Variants in DDX27 observed in about 807,000 individuals in gnomAD.
DDX27 encodes the protein DEAD-box helicase 27, also known as probable ATP-dependent RNA helicase DDX27.
In DDX27, 42 loss-of-function variants were observed where a neutral mutation model predicts 99.3. That is an observed-to-expected ratio of 0.42 (90% CI 0.33 to 0.55). The LOEUF (loss-of-function observed/expected upper bound fraction) is 0.55, where lower values mean the gene tolerates loss of function less well. Ranked by LOEUF, DDX27 falls within the 20% of genes least tolerant of loss-of-function variation. The pLI, the probability that DDX27 is intolerant of heterozygous loss-of-function variation, is 0.07. For missense variants in DDX27, 798 were observed against 976.8 expected, an observed-to-expected ratio of 0.82 and a Z score of 2.44; for synonymous variants, 329 against 353.8, an observed-to-expected ratio of 0.93 and a Z score of 0.79.
At chr20:49,233,832 C>G in intron 11 of DDX27, 123 bp downstream of exon 11, 1 of 1,060,986 alleles carries the variant, frequency 9.4e-7, no homozygotes, top group Non-Finnish European at 1.4e-6. Flanking sequence ...AGCGCAGAGG[C>G]TGCACTGCAC....
intron 2 of DDX27, 130 bp from the exon 3 acceptor site, chr20:49,222,827 A>C: frequency 2.0e-6 from 1 of 510,950 alleles, no homozygotes. Flanking sequence ...ATTTTTATAT[A>C]TATAATATGT....
intron 1 of DDX27, 53 bp downstream of exon 1, chr20:49,219,594 G>T: frequency 2.6e-6 from 4 of 1,530,586 alleles, no homozygotes; most frequent in Non-Finnish European, 3.5e-6. Context: ...CCTTCCTCGC[G>T]ATTCCTCAGG....
chr20:49,236,100 A>G lies in DDX27; in HGVS notation c.1428-50A>G, dbSNP rs768811623. 2 of 1,536,780 alleles carry G rather than the reference A, an allele frequency of 1.3e-6. No homozygotes were observed. The highest frequency in any genetic ancestry group is 2.7e-5 in the African/African-American group (2 of 72,852). On this transcript the variant is annotated intron_variant, in intron 12 of 20. Coordinates refer to ENST00000618172, the MANE Select transcript of DDX27 (RefSeq NM_017895.8). The surrounding 1 kb of genome is among the most constrained non-coding windows in gnomAD (Gnocchi z 4.1). Reference sequence around the variant, plus strand: ...CTGCTGGCTCAGGCTCTTGTGGAGCATTATTAGGGGAGGGTGTCTGGATGA... The same window carrying G: ...CTGCTGGCTCAGGCTCTTGTGGAGCGTTATTAGGGGAGGGTGTCTGGATGA...
intron 5 of DDX27, 27 bp from the exon 6 acceptor site, chr20:49,225,086 C>G: frequency 6.2e-7 from 1 of 1,612,172 alleles, no homozygotes; most frequent in Non-Finnish European, 8.5e-7. Flanking sequence ...GTTGAATTCT[C>G]TTCTCTCTTT....
At chr20:49,224,366 C>T (rs55755907) in intron 4 of DDX27, among the ~76,000 whole-genome samples, 98,698 of 143,984 alleles carry the variant, frequency 0.69, 34,632 homozygotes, top group Non-Finnish European at 0.78. Flanking sequence ...TTCTTTCTTT[C>T]TTTTTTTTTT....
intron 16 of DDX27, among the ~76,000 whole-genome samples, chr20:49,241,445 A>G (rs142994553): frequency 0.011 from 1,603 of 152,188 alleles, 15 homozygotes; most frequent in Middle Eastern, 0.024. Flanking sequence ...GATGGAGGTA[A>G]TCAGTGGAAG....
At chr20:49,233,802 T>C in intron 11 of DDX27, 93 bp downstream of exon 11, 1 of 1,443,504 alleles carries the variant, frequency 6.9e-7, no homozygotes, top group Non-Finnish European at 9.5e-7. Flanking sequence ...CCCCTGCGCC[T>C]CTGCCGTCCA....
At position 49,242,063 on chromosome 20, in the gene DDX27, C is replaced by T. The variant is rs745791062; in HGVS notation, c.1993-20C>T. 14 of 1,614,224 alleles carry T rather than the reference C, an allele frequency of 8.7e-6. 1 individual carries two copies. The South Asian group carries it at 1.5e-4, about 18-fold the overall frequency. ...AGTGGCCTGGTGTGTTCCACACTCA[C>T]ACCTCCCCACTCCCCCTAGGCAGAG... On this transcript the variant is annotated intron_variant, in intron 17 of 20. Coordinates refer to ENST00000618172, the MANE Select transcript of DDX27 (RefSeq NM_017895.8).
In DDX27 at chr20:49,230,200, C is replaced by A. The variant is rs754145592; in HGVS notation, c.882C>A (p.Gly294=). 1.1e-5 allele frequency: 17 copies of A among 1,610,290 alleles called. No individual in the cohort carries two copies. Among genetic ancestry groups the A allele is most frequent in the Non-Finnish European group, 1.4e-5 (17 of 1,178,796 alleles). ...FCNITTCLAV[G]GLDVKSQEAA... ...GGTGGGGCTCTCTTCTCTTTGCAGG[C>A]GGCTTGGATGTGAAGTCTCAGGAAG... is the stretch of plus-strand genomic sequence containing the variant. Residue 294 remains glycine, a splice_region_variant and synonymous_variant, in exon 9 of 21, where the codon GGC becomes GGA. Transcript: ENST00000618172.
chr20:49,227,974 G>A (rs1402319622), intron 7 of DDX27, among the ~76,000 whole-genome samples: 6 of 151,634 alleles, frequency 4.0e-5, no homozygotes, highest in African/African-American at 1.5e-4. Flanking sequence ...CTGAGTAGCT[G>A]GGATTACAGA....
intron 7 of DDX27, among the ~76,000 whole-genome samples, chr20:49,226,850 T>G (rs1427133909): frequency 8.4e-6 from 1 of 119,154 alleles, no homozygotes; most frequent in Non-Finnish European, 1.7e-5. Flanking sequence ...ATTGAGAGAG[T>G]AAAGGACTTT....
At chr20:49,223,577 T>C (rs1023976788) in intron 4 of DDX27, 144 bp downstream of exon 4, 4 of 717,552 alleles carry the variant, frequency 5.6e-6, no homozygotes, top group South Asian at 5.7e-5. Context: ...TCTTTCTTTT[T>C]TTTTTTTTTT....
Position 49,236,995 on chromosome 20 carries a change from T to C in DDX27, c.1687+485T>C, listed in dbSNP as rs1323243251. The stretch of plus-strand genomic sequence containing the variant: ...CCCAAAGTGCCGGGATTAACAGTAA[T>C]GAGCCACCATGCCCAGCCTTAAAAA... On this transcript the variant is annotated intron_variant, in intron 14 of 20. Coordinates refer to ENST00000618172, the MANE Select transcript of DDX27 (RefSeq NM_017895.8). The surrounding 1 kb of genome is among the most constrained non-coding windows in gnomAD (Gnocchi z 4.1). Among the ~76,000 whole-genome samples the C allele has an allele frequency of 6.6e-6, 1 of 152,120 alleles. No homozygotes were observed. The highest frequency in any genetic ancestry group is 1.5e-5 in the Non-Finnish European group (1 of 68,010).
intron 6 of DDX27, among the ~76,000 whole-genome samples, chr20:49,225,594 T>C (rs1979857123): frequency 6.6e-6 from 1 of 151,810 alleles, no homozygotes; most frequent in Non-Finnish European, 1.5e-5. Flanking sequence ...CAGCTGGGAC[T>C]ACAGGCACAC....
chr20:49,242,626 T>C lies in DDX27; in HGVS notation c.2149T>C (p.Phe717Leu), dbSNP rs1980515291. 6.2e-7 allele frequency: 1 copy of C among 1,614,068 alleles called. No homozygotes were observed. Among genetic ancestry groups the C allele is most frequent in the Admixed American group, 1.7e-5 (1 of 60,006 alleles). ...KKQKQGKKSVFDEELTNTSKK... is the reference protein window; with the variant it reads ...KKQKQGKKSVLDEELTNTSKK... ...GCAAAAGCAGGGGAAGAAATCTGTATTTGATGAAGAACTCACCAACACAAG... is the reference window on the plus strand; with the variant it reads ...GCAAAAGCAGGGGAAGAAATCTGTACTTGATGAAGAACTCACCAACACAAG... The change falls in exon 19 of 21, where the codon TTT becomes CTT. Residue 717 changes from phenylalanine (F) to leucine (L), a missense_variant. By Grantham distance (22) the Phe-to-Leu change is conservative. This residue lies in a region of DDX27 where 553 missense variants were observed against 727.9 expected (regional missense o/e 0.76). Transcript: ENST00000618172.
chr20:49,239,390 C>A, intron 16 of DDX27, 52 bp downstream of exon 16: 1 of 1,341,332 alleles, frequency 7.5e-7, no homozygotes, highest in Non-Finnish European at 1.0e-6. Context: ...CCCCACAGGA[C>A]TCAGCAGTTC....
At chr20:49,240,923 A>G (rs1309348718) in intron 16 of DDX27, among the ~76,000 whole-genome samples, 1 of 152,094 alleles carries the variant, frequency 6.6e-6, no homozygotes, top group Non-Finnish European at 1.5e-5. Context: ...CTGAGGTAGG[A>G]GGATCACCTG....
rs771490956 is a variant in DDX27 at position 49,219,447 on chromosome 20, A to G, written c.-2A>G. ...GCTTCCGGAAGTGGCTTCTGCGACA[A>G]CATGCTTGCGGACCTCGGCTTAATC... On this transcript the variant is annotated 5_prime_UTR_variant, in exon 1 of 21. Transcript: ENST00000618172. 5.0e-6 allele frequency: 8 copies of G among 1,614,128 alleles called. No individual in the cohort carries two copies. Among genetic ancestry groups the G allele is most frequent in the East Asian group, 2.2e-5 (1 of 44,870 alleles).
chr20:49,225,201 T>C lies in DDX27; in HGVS notation c.600+2T>C, dbSNP rs1257484164. The C allele has an allele frequency of 6.2e-7, 1 of 1,613,288 alleles. No homozygotes were observed. The highest frequency in any genetic ancestry group is 8.5e-7 in the Non-Finnish European group (1 of 1,179,344). On this transcript the variant is annotated splice_donor_variant, in intron 6 of 20. Transcript: ENST00000618172. LOFTEE classifies it high-confidence loss of function. ...AACCTTTCCCGCCCTCTTCTGAAGG[T>C]AGCAGCTTCTTGTCAAAAATTTTCT...
Sources: allele counts gnomAD v4.1 joint callset (sites outside exome capture counted in the v4.1 genomes callset), GRCh38; gene constraint gnomAD v4.1.1; regional missense constraint gnomAD v4.1.1; non-coding constraint Gnocchi (gnomAD v3.1); transcripts MANE v1.5; gene names NCBI Gene and HGNC (gene_info 2026-07-23, HGNC 2026-07-21).